Variants in NEK1 observed in about 807,000 individuals in gnomAD.
NEK1 encodes serine/threonine-protein kinase Nek1.
NEK1 carries 137 observed loss-of-function variants against 182.1 expected under a neutral mutation model. That is an observed-to-expected ratio of 0.75 (90% CI 0.65 to 0.87). NEK1 has a LOEUF of 0.87. NEK1 is among the 40% of genes least tolerant of loss of function. The probability of loss-of-function intolerance (pLI) is 0.00; values close to 1 mark genes in which losing one functional copy is unlikely to be tolerated. For missense variants in NEK1, 1,391 were observed against 1,494.4 expected (o/e 0.93, Z 1.14); for synonymous variants, 513 against 492.2 (o/e 1.04, Z -0.56).
chr4:169,591,583 C>T lies in NEK1; in HGVS notation c.313-774G>A, dbSNP rs546666358. Among the ~76,000 whole-genome samples, 34 of 152,124 alleles carry T rather than the reference C, an allele frequency of 2.2e-4. 2 individuals carry two copies. The South Asian group carries it at 7.1e-3, about 32-fold the overall frequency. ...TTCCCACATTTATTATATATAAACA[C>T]TCTTCTCTGGAGACGGCCACTTGGA... is the stretch of plus-strand genomic sequence containing the variant. On this transcript the variant is annotated intron_variant, in intron 5 of 35. Coordinates refer to ENST00000507142, the MANE Select transcript of NEK1 (RefSeq NM_001199397.3).
At chr4:169,577,354 G>A (rs1159167942) in intron 11 of NEK1, among the ~76,000 whole-genome samples, 1 of 151,864 alleles carries the variant, frequency 6.6e-6, no homozygotes, top group Non-Finnish European at 1.5e-5. Flanking sequence ...TGTGAGTGAT[G>A]GTTGCACGTA....
chr4:169,551,200 C>T (rs947869421), intron 18 of NEK1, among the ~76,000 whole-genome samples: 2 of 152,116 alleles, frequency 1.3e-5, no homozygotes, highest in African/African-American at 4.8e-5. Flanking sequence ...AAAAAAACTT[C>T]TTTAGCTCCT....
chr4:169,580,996 T>C, intron 10 of NEK1, 94 bp from the exon 11 acceptor site: 1 of 544,566 alleles, frequency 1.8e-6, no homozygotes. Flanking sequence ...CCTTTTTCAG[T>C]AGTAATTATG....
intron 23 of NEK1, among the ~76,000 whole-genome samples, chr4:169,498,523 G>GT (rs1751797425): frequency 6.6e-6 from 1 of 152,208 alleles, no homozygotes; most frequent in Non-Finnish European, 1.5e-5. Context: ...AATTTGGCAT[G>GT]TTTTTTCAGT....
In NEK1 at chr4:169,467,633, T is replaced by C. The variant is rs974909037; in HGVS notation, c.2435-4238A>G. 2.6e-5 allele frequency among the ~76,000 whole-genome samples: 4 copies of C among 152,232 alleles called. No individual in the cohort carries two copies. The East Asian group carries it at 7.7e-4, about 29-fold the overall frequency. On this transcript the variant is annotated intron_variant, in intron 26 of 35. Transcript: ENST00000507142. The stretch of plus-strand genomic sequence containing the variant: ...TGACTTATGATGGTTCAACTTAAGA[T>C]TTTTCAACTTTACAATGGGTTTATT...
chr4:169,504,819 G>C (rs933482307), intron 23 of NEK1, among the ~76,000 whole-genome samples: 4 of 151,880 alleles, frequency 2.6e-5, no homozygotes, highest in Non-Finnish European at 5.9e-5. Context: ...AGCACAACAG[G>C]GTGAATATAG....
At chr4:169,500,416 C>T (rs892619864) in intron 23 of NEK1, among the ~76,000 whole-genome samples, 3 of 152,240 alleles carry the variant, frequency 2.0e-5, no homozygotes, top group Non-Finnish European at 4.4e-5. Context: ...CCTGCACCCA[C>T]TGTCTGACAC....
chr4:169,539,559 C>T (rs1320571849), intron 18 of NEK1, among the ~76,000 whole-genome samples: 2 of 152,086 alleles, frequency 1.3e-5, no homozygotes, highest in Non-Finnish European at 2.9e-5. Context: ...AGGAGTAATG[C>T]TCTGACATAA....
chr4:169,538,717 T>C (rs1321068309), intron 18 of NEK1, among the ~76,000 whole-genome samples: 1 of 152,112 alleles, frequency 6.6e-6, no homozygotes, highest in African/African-American at 2.4e-5. Flanking sequence ...GAGCAAGTTG[T>C]TGGCCGTGTT....
At chr4:169,401,517 A>G (rs1490684663) in intron 33 of NEK1, 135 bp downstream of exon 33, 4 of 551,704 alleles carry the variant, frequency 7.3e-6, no homozygotes, top group African/African-American at 3.8e-5. Flanking sequence ...GAATGAAAAA[A>G]GGGGAGAGAC....
chr4:169,547,014 T>C (rs989315048), intron 18 of NEK1, among the ~76,000 whole-genome samples: 13 of 152,204 alleles, frequency 8.5e-5, no homozygotes, highest in African/African-American at 2.9e-4. Flanking sequence ...GATCCTGCCA[T>C]TATGATGCTA....
chr4:169,488,485 G>T (rs1749456768), intron 23 of NEK1, among the ~76,000 whole-genome samples: 1 of 152,038 alleles, frequency 6.6e-6, no homozygotes, highest in Non-Finnish European at 1.5e-5. Flanking sequence ...GTTCCGTGTA[G>T]GTATGTGGTT....
chr4:169,562,799 G>T (rs1386153806), intron 12 of NEK1, among the ~76,000 whole-genome samples: 1 of 151,894 alleles, frequency 6.6e-6, no homozygotes. Flanking sequence ...GTGGTTTTTG[G>T]TTACATGGAT....
At chr4:169,586,887 C>A (rs1314491736) in intron 9 of NEK1, among the ~76,000 whole-genome samples, 2 of 151,872 alleles carry the variant, frequency 1.3e-5, no homozygotes, top group Non-Finnish European at 1.5e-5. Context: ...TACAGGTAGT[C>A]AATACTGGCT....
chr4:169,457,762 G>GAGGGA (rs1317512609), intron 27 of NEK1, among the ~76,000 whole-genome samples: 1 of 127,148 alleles, frequency 7.9e-6, no homozygotes, highest in East Asian at 2.8e-4. Flanking sequence ...GAGGGGAGGG[G>GAGGGA]AGGGAAGAAG....
At chr4:169,507,941 C>A in intron 21 of NEK1, 149 bp from the exon 22 acceptor site, 4 of 669,120 alleles carry the variant, frequency 6.0e-6, no homozygotes, top group South Asian at 2.0e-5. Flanking sequence ...AAAGCTGCAA[C>A]TGAACTCTCC....
At chr4:169,447,843 C>T (rs113053286) in intron 27 of NEK1, among the ~76,000 whole-genome samples, 14,259 of 151,520 alleles carry the variant, frequency 0.094, 759 homozygotes, top group East Asian at 0.17. Flanking sequence ...CACTCCAGCC[C>T]GGGCAACGGA....
At chr4:169,509,316 ACT>A (rs1167147320) in intron 19 of NEK1, among the ~76,000 whole-genome samples, 3 of 151,990 alleles carry the variant, frequency 2.0e-5, no homozygotes, top group African/African-American at 2.4e-5. Flanking sequence ...TCTCAATCAA[ACT>A]CTGTGCACTC....
chr4:169,454,720 C>T (rs1436171210), intron 27 of NEK1, among the ~76,000 whole-genome samples: 1 of 152,210 alleles, frequency 6.6e-6, no homozygotes. Context: ...AACGCTTTTA[C>T]ACTGTTGGTG....
Sources: gnomAD v4.1 joint callset for allele counts (sites outside exome capture counted in the v4.1 genomes callset) on GRCh38, gnomAD v4.1.1 for gene constraint, MANE v1.5 for transcripts, NCBI Gene and HGNC (gene_info 2026-07-23, HGNC 2026-07-21) for gene names.